The following CTNNA2 variants were observed in gnomAD, a reference collection of about 807,000 sequenced individuals.
The protein encoded by CTNNA2 is catenin alpha 2, also known as catenin alpha-2.
In CTNNA2, 42 loss-of-function variants were observed where a neutral mutation model predicts 101.0. The observed-to-expected ratio is 0.42, with a 90% CI of 0.32 to 0.54. The LOEUF (loss-of-function observed/expected upper bound fraction) is 0.54. CTNNA2 is among the 20% of genes least tolerant of loss of function. The pLI, the probability that CTNNA2 is intolerant of heterozygous loss-of-function variation, is 0.14. For missense variants in CTNNA2, 871 were observed against 1,223.1 expected (o/e 0.71, Z 4.29); for synonymous variants, 450 against 456.4 (o/e 0.99, Z 0.18).
At chr2:80,057,892 C>T (rs1234077587) in intron 7 of CTNNA2, among the ~76,000 whole-genome samples, 2 of 152,028 alleles carry the variant, frequency 1.3e-5, no homozygotes, top group African/African-American at 2.4e-5. Flanking sequence ...CTAGCAGATA[C>T]GCAGATACCC....
chr2:80,373,838 G>C (rs1675673896), intron 7 of CTNNA2, among the ~76,000 whole-genome samples: 2 of 152,130 alleles, frequency 1.3e-5, no homozygotes, highest in South Asian at 2.1e-4. Context: ...CGTGAGTCTT[G>C]TGCTGTGAAA....
intron 7 of CTNNA2, among the ~76,000 whole-genome samples, chr2:79,972,830 G>C (rs1485739542): frequency 6.6e-6 from 1 of 152,136 alleles, no homozygotes; most frequent in Non-Finnish European, 1.5e-5. Flanking sequence ...GTTATTTATA[G>C]TTTGGCAATA....
chr2:79,295,871 T>G (rs1045914688), intron 2 of CTNNA2, among the ~76,000 whole-genome samples: 23 of 108,950 alleles, frequency 2.1e-4, no homozygotes, highest in Middle Eastern at 9.8e-3. Context: ...GTTTTCAGAG[T>G]GTGAATTTTG....
At chr2:79,848,440 A>G (rs1274399488) in intron 3 of CTNNA2, among the ~76,000 whole-genome samples, 1 of 152,198 alleles carries the variant, frequency 6.6e-6, no homozygotes, top group African/African-American at 2.4e-5. Context: ...GGCTATTGCT[A>G]CATTTAACAG....
chr2:80,610,608 C>A (rs180994379), intron 17 of CTNNA2, among the ~76,000 whole-genome samples: 1 of 151,708 alleles, frequency 6.6e-6, no homozygotes, highest in East Asian at 2.0e-4. Flanking sequence ...TAGAAGTCAA[C>A]CTCTCTACCC....
intron 9 of CTNNA2, among the ~76,000 whole-genome samples, chr2:80,527,344 C>G (rs181543583): frequency 7.0e-4 from 107 of 152,300 alleles, no homozygotes; most frequent in East Asian, 2.5e-3. Context: ...GAGTCTCAGA[C>G]TTGAGCATGC....
At chr2:80,368,632 G>T (rs1005504375) in intron 7 of CTNNA2, among the ~76,000 whole-genome samples, 8 of 151,968 alleles carry the variant, frequency 5.3e-5, no homozygotes, top group Non-Finnish European at 5.9e-5. Flanking sequence ...TATTCTTAAG[G>T]CACTTACATG....
intron 13 of CTNNA2, among the ~76,000 whole-genome samples, chr2:80,580,315 TTTC>T (rs1218185911): frequency 1.2e-4 from 19 of 152,180 alleles, no homozygotes; most frequent in Admixed American, 1.2e-3. Flanking sequence ...TTATGGATTC[TTTC>T]TTATCTTTTC....
At chr2:79,669,668 C>T (rs964422661) in intron 2 of CTNNA2, among the ~76,000 whole-genome samples, 29 of 152,128 alleles carry the variant, frequency 1.9e-4, no homozygotes, top group Admixed American at 8.5e-4. Flanking sequence ...AAGTTCTCAG[C>T]AGAGAAGGTA....
chr2:80,123,236 T>C (rs568697997), intron 7 of CTNNA2, among the ~76,000 whole-genome samples: 1 of 152,304 alleles, frequency 6.6e-6, no homozygotes, highest in South Asian at 2.1e-4. Context: ...TTTTCTTATT[T>C]TCTGCAGTTT....
At chr2:79,631,294 G>C (rs1361251293) in intron 1 of CTNNA2, among the ~76,000 whole-genome samples, 2 of 152,154 alleles carry the variant, frequency 1.3e-5, no homozygotes, top group African/African-American at 4.8e-5. Context: ...CTCTGCCAGA[G>C]ATTTGCTCTG....
intron 4 of CTNNA2, among the ~76,000 whole-genome samples, chr2:79,427,833 C>G (rs1337558710): frequency 6.6e-6 from 1 of 151,960 alleles, no homozygotes; most frequent in South Asian, 2.1e-4. Context: ...GAATTCATTG[C>G]TCTGTGTCTT....
rs532181872 is a variant in CTNNA2, at chr2:80,381,773, G to A, written c.1057-11438G>A. The stretch of plus-strand genomic sequence containing the variant: ...GCTGGCAATGGGAAAGGTCCTAGGT[G>A]TTCTCAAACACATCCTGCCTCCTTG... On this transcript the variant is annotated intron_variant, in intron 7 of 18. Coordinates refer to ENST00000402739, the MANE Select transcript of CTNNA2 (RefSeq NM_001282597.3). Among the ~76,000 whole-genome samples, 10 of 152,278 alleles carry A rather than the reference G, an allele frequency of 6.6e-5. No individual in the cohort carries two copies. In the South Asian group the frequency reaches 2.1e-3, roughly 32 times the overall value.
chr2:79,835,086 G>A lies in CTNNA2; in HGVS notation c.299-22927G>A, dbSNP rs1040182118. On this transcript the variant is annotated intron_variant, in intron 3 of 18. Transcript: ENST00000402739. ...ATTAATAAATATTGATATCTATCAG[G>A]GCAATGCTTTATTACCCCTTTTTAA... Among the ~76,000 whole-genome samples, 73 of 151,944 alleles carry A rather than the reference G, an allele frequency of 4.8e-4. 1 individual carries two copies. Among genetic ancestry groups the A allele is most frequent in the African/African-American group, 1.8e-3 (73 of 41,452 alleles).
rs146545017 is a variant in CTNNA2, at chr2:80,372,707, C to T, written c.1057-20504C>T. On this transcript the variant is annotated intron_variant, in intron 7 of 18. Coordinates refer to ENST00000402739, the MANE Select transcript of CTNNA2 (RefSeq NM_001282597.3). ...CTTTTTTTTTTTTTTTATTGAGCCACGTTACTTCTCAGTCAATTTGCATTG... is the reference window on the plus strand; with the variant it reads ...CTTTTTTTTTTTTTTTATTGAGCCATGTTACTTCTCAGTCAATTTGCATTG... 6.1e-3 allele frequency among the ~76,000 whole-genome samples: 914 copies of T among 149,904 alleles called. 10 individuals are homozygous for T. The highest frequency in any genetic ancestry group is 0.021 in the African/African-American group (844 of 40,654).
intron 2 of CTNNA2, among the ~76,000 whole-genome samples, chr2:79,237,808 A>G (rs924834277): frequency 1.3e-5 from 2 of 152,134 alleles, no homozygotes; most frequent in African/African-American, 4.8e-5. Context: ...TTCCTCTCTC[A>G]GCCATTGTAA....
chr2:80,409,077 C>T (rs1423370849), intron 8 of CTNNA2, among the ~76,000 whole-genome samples: 2 of 152,070 alleles, frequency 1.3e-5, no homozygotes, highest in Admixed American at 6.6e-5. Flanking sequence ...CTGAGTAGAC[C>T]CTTCCAAATA....
chr2:80,318,733 A>G lies in CTNNA2; in HGVS notation c.1057-74478A>G, dbSNP rs149743396. ...AGACTGAGACAGAGTAAATTTAAAAACAAACTATTGAAAAATCAGATTGGA... is the reference window on the plus strand; with the variant it reads ...AGACTGAGACAGAGTAAATTTAAAAGCAAACTATTGAAAAATCAGATTGGA... On this transcript the variant is annotated intron_variant, in intron 7 of 18. Transcript: ENST00000402739. Among the ~76,000 whole-genome samples, 990 of 152,330 alleles carry G rather than the reference A, an allele frequency of 6.5e-3. 11 individuals carry two copies. Among genetic ancestry groups the G allele is most frequent in the African/African-American group, 0.023 (937 of 41,570 alleles).
chr2:79,830,083 C>G (rs1182487419), intron 3 of CTNNA2, among the ~76,000 whole-genome samples: 1 of 152,036 alleles, frequency 6.6e-6, no homozygotes, highest in African/African-American at 2.4e-5. Flanking sequence ...CTGAGAGAGA[C>G]GAGGGCAGGG....
Sources: allele counts gnomAD v4.1 joint callset (sites outside exome capture counted in the v4.1 genomes callset), GRCh38; gene constraint gnomAD v4.1.1; transcripts MANE v1.5; gene names NCBI Gene and HGNC (gene_info 2026-07-23, HGNC 2026-07-21).